The following GNA11 variants were observed in gnomAD, a reference collection of about 807,000 sequenced individuals.
The protein encoded by GNA11 is G protein subunit alpha 11, also known as guanine nucleotide-binding protein subunit alpha-11.
Under a neutral mutation model 38.2 loss-of-function variants are expected in GNA11, and 8 were observed. The ratio of observed to expected loss-of-function variants is 0.21; its 90% CI spans 0.12 to 0.38. The LOEUF (loss-of-function observed/expected upper bound fraction) is 0.38. GNA11 is among the 10% of genes least tolerant of loss of function. The pLI is 1.00. For synonymous variants in GNA11, 211 were observed against 221.4 expected (o/e 0.95, Z 0.42); for missense variants, 268 against 516.3 (o/e 0.52, Z 4.66).
intron 2 of GNA11, among the ~76,000 whole-genome samples, chr19:3,111,532 C>A (rs1283368929): frequency 6.6e-6 from 1 of 152,200 alleles, no homozygotes; most frequent in Non-Finnish European, 1.5e-5. Context: ...TGTTCCAGTG[C>A]ATGGAGGGAC....
Position 3,110,955 on chromosome 19 carries a change from A to G in GNA11, c.321+622A>G, listed in dbSNP as rs1913761166. Among the ~76,000 whole-genome samples, 1 of 152,016 alleles carries G rather than the reference A, an allele frequency of 6.6e-6. No homozygotes were observed. Among genetic ancestry groups the G allele is most frequent in the Admixed American group, 6.6e-5 (1 of 15,232 alleles). On this transcript the variant is annotated intron_variant, in intron 2 of 6. Coordinates refer to ENST00000078429, the MANE Select transcript of GNA11 (RefSeq NM_002067.5). The surrounding 1 kb of genome is among the most constrained non-coding windows in gnomAD (Gnocchi z 5.4). ...GGACTGCAGGTGCATCACCACGCCT[A>G]GCTAATTTTTGTATTTTTTGTAGAG...
In GNA11 at chr19:3,123,454, G is replaced by T. The variant is rs957993291; in HGVS notation, c.*2275G>T. ...GTTCTCGTGCCAGTGGCACCCAGGG[G>T]CAAGGACAGCCAACCCCCACCCTTG... On this transcript the variant is annotated 3_prime_UTR_variant, in exon 7 of 7. Transcript: ENST00000078429. 18 of 233,244 alleles carry T rather than the reference G, an allele frequency of 7.7e-5. No homozygotes were observed. Among genetic ancestry groups the T allele is most frequent in the African/African-American group, 4.0e-4 (18 of 45,370 alleles). 14.4% of individuals were successfully genotyped at this position (233,244 alleles called of 1,614,324 possible). A position where few individuals can be genotyped will look rare whatever the true frequency, so the allele number is the denominator to read the frequency against.
chr19:3,114,541 A>G (rs1178692017), intron 3 of GNA11, among the ~76,000 whole-genome samples: 1 of 151,884 alleles, frequency 6.6e-6, no homozygotes, highest in Non-Finnish European at 1.5e-5. Context: ...TCTCCTAATG[A>G]TGCGCTTGTT....
At chr19:3,102,205 G>T (rs1444324556) in intron 1 of GNA11, among the ~76,000 whole-genome samples, 1 of 152,204 alleles carries the variant, frequency 6.6e-6, no homozygotes, top group Non-Finnish European at 1.5e-5. Flanking sequence ...TCCCACTTGG[G>T]AGCCAGTCTG....
chr19:3,112,255 A>T (rs962281711), intron 2 of GNA11, among the ~76,000 whole-genome samples: 1 of 152,160 alleles, frequency 6.6e-6, no homozygotes, highest in African/African-American at 2.4e-5. Context: ...AGGTGTGCTT[A>T]TCCCAGCCCA....
At chr19:3,112,540 G>C (rs1214484817) in intron 2 of GNA11, among the ~76,000 whole-genome samples, 2 of 152,200 alleles carry the variant, frequency 1.3e-5, no homozygotes, top group African/African-American at 4.8e-5. Flanking sequence ...GGAAAGGATG[G>C]CCCCCCCACA....
In GNA11 at chr19:3,123,626, C is replaced by T. The variant is rs558542601; in HGVS notation, c.*2447C>T. 2 of 233,138 alleles carry T rather than the reference C, an allele frequency of 8.6e-6. No homozygotes were observed. The highest frequency in any genetic ancestry group is 3.6e-4 in the South Asian group (2 of 5,532). 14.4% of individuals were successfully genotyped at this position (233,138 alleles called of 1,614,324 possible). A position where few individuals can be genotyped will look rare whatever the true frequency, so the allele number is the denominator to read the frequency against. On this transcript the variant is annotated 3_prime_UTR_variant, in exon 7 of 7. Coordinates refer to ENST00000078429, the MANE Select transcript of GNA11 (RefSeq NM_002067.5). ...AGCCCCCGGCCACTGCAAACCCATG[C>T]CCTGGGTCCCCCGGCTCCCCCAGGG...
chr19:3,109,814 C>T (rs1222140395), intron 1 of GNA11, among the ~76,000 whole-genome samples: 3 of 152,172 alleles, frequency 2.0e-5, no homozygotes, highest in Admixed American at 2.0e-4. Context: ...GTCCCAGCTG[C>T]GGGGCCGGTG....
chr19:3,104,059 T>G (rs1913575423), intron 1 of GNA11, among the ~76,000 whole-genome samples: 2 of 152,100 alleles, frequency 1.3e-5, no homozygotes, highest in Admixed American at 1.3e-4. Flanking sequence ...TGACCTCAAA[T>G]GATCCACCTG....
chr19:3,113,260 C>A (rs2145318295), intron 2 of GNA11, 70 bp from the exon 3 acceptor site: 1 of 1,460,672 alleles, frequency 6.8e-7, no homozygotes, highest in Non-Finnish European at 9.6e-7. Context: ...GGAAGAGGGG[C>A]CGTCACAAGC....
At position 3,094,705 on chromosome 19, in the gene GNA11, C is replaced by T. The variant is rs748439096; in HGVS notation, c.54C>T (p.Ser18=). The T allele has an allele frequency of 6.9e-6, 11 of 1,587,024 alleles. No individual in the cohort carries two copies. In the East Asian group the frequency reaches 2.6e-4, roughly 38 times the overall value. The change falls in exon 1 of 7, where the codon TCC becomes TCT. Residue 18 remains serine, a synonymous_variant. Coordinates refer to ENST00000078429, the MANE Select transcript of GNA11 (RefSeq NM_002067.5). The surrounding 1 kb of genome is among the most constrained non-coding windows in gnomAD (Gnocchi z 6.0). ...ACCLSDEVKE[S]KRINAEIEKQ... Reference sequence around the variant, plus strand: ...GCCTGAGCGATGAGGTGAAGGAGTCCAAGCGGATCAACGCCGAGATCGAGA... The same window carrying T: ...GCCTGAGCGATGAGGTGAAGGAGTCTAAGCGGATCAACGCCGAGATCGAGA...
At chr19:3,102,658 G>A (rs1158235368) in intron 1 of GNA11, among the ~76,000 whole-genome samples, 6 of 152,148 alleles carry the variant, frequency 3.9e-5, no homozygotes, top group African/African-American at 1.4e-4. Flanking sequence ...TCAATCAGGC[G>A]CTGAGGTGCT....
At chr19:3,117,852 G>A (rs1380844892) in intron 4 of GNA11, 1 of 152,338 alleles carries the variant, frequency 6.6e-6, no homozygotes, top group South Asian at 2.1e-4. Context: ...CAGTGCGTGA[G>A]GAGAGGCTCC....
At chr19:3,113,607 C>A in intron 3 of GNA11, 123 bp downstream of exon 3, 1 of 704,242 alleles carries the variant, frequency 1.4e-6, no homozygotes, top group Non-Finnish European at 2.3e-6. Flanking sequence ...GGCAGGGATG[C>A]GGTGGGCCCG....
intron 4 of GNA11, chr19:3,118,015 G>C (rs1599306942): frequency 6.6e-6 from 1 of 152,354 alleles, no homozygotes; most frequent in East Asian, 1.9e-4. Context: ...CTGCTGGTGC[G>C]GGCCCTCTTG....
chr19:3,103,816 C>G (rs932801309), intron 1 of GNA11, among the ~76,000 whole-genome samples: 8 of 151,860 alleles, frequency 5.3e-5, no homozygotes, highest in African/African-American at 1.9e-4. Flanking sequence ...CATTCTCCTG[C>G]CTCAGCTTTC....
rs1265998006 is a variant in GNA11 at position 3,122,230 on chromosome 19, TC to T, written c.*1052del. On this transcript the variant is annotated 3_prime_UTR_variant, in exon 7 of 7. Coordinates refer to ENST00000078429, the MANE Select transcript of GNA11 (RefSeq NM_002067.5). The surrounding 1 kb of genome is among the most constrained non-coding windows in gnomAD (Gnocchi z 7.7). ...GTGGGTGGGGACTTTTACAGAATAT[TC>T]TCAGGTGTGTACCCGAGAGGCAGAG... The T allele has an allele frequency of 4.3e-6, 1 of 232,846 alleles. No homozygotes were observed. Among genetic ancestry groups the T allele is most frequent in the East Asian group, 6.0e-5 (1 of 16,570 alleles). 14.4% of individuals were successfully genotyped at this position (232,846 alleles called of 1,614,324 possible).
intron 4 of GNA11, 92 bp downstream of exon 4, chr19:3,115,164 G>A (rs2145321514): frequency 6.9e-7 from 1 of 1,440,534 alleles, no homozygotes; most frequent in Non-Finnish European, 9.6e-7. Flanking sequence ...AGTGCTTTGG[G>A]AGGCCAAGGC....
intron 3 of GNA11, 127 bp downstream of exon 3, chr19:3,113,611 G>A (rs968112551): frequency 2.2e-5 from 15 of 679,298 alleles, no homozygotes; most frequent in Non-Finnish European, 3.1e-5. Context: ...GGGATGCGGT[G>A]GGCCCGGGCC....
Sources: gnomAD v4.1 joint callset for allele counts (sites outside exome capture counted in the v4.1 genomes callset) on GRCh38, gnomAD v4.1.1 for gene constraint, Gnocchi (gnomAD v3.1) non-coding constraint, MANE v1.5 for transcripts, NCBI Gene and HGNC (gene_info 2026-07-23, HGNC 2026-07-21) for gene names.